The following SCHIP1 variants were observed in gnomAD, a reference collection of about 807,000 sequenced individuals.
SCHIP1 encodes schwannomin-interacting protein 1.
Under a neutral mutation model 29.7 loss-of-function variants are expected in SCHIP1, and 8 were observed. The observed-to-expected ratio is 0.27, with a 90% CI of 0.16 to 0.49. The LOEUF (loss-of-function observed/expected upper bound fraction) is 0.49, where lower values mean the gene tolerates loss of function less well. SCHIP1 is among the 20% of genes least tolerant of loss of function. SCHIP1 has a pLI of 0.99. For missense variants in SCHIP1, 193 were observed against 294.6 expected, an observed-to-expected ratio of 0.66 and a Z score of 2.52; for synonymous variants, 76 against 94.9, an observed-to-expected ratio of 0.80 and a Z score of 1.16.
chr3:159,588,328 GTA>G, the SCHIP1 span, among the ~76,000 whole-genome samples: 1 of 151,834 alleles, frequency 6.6e-6, no homozygotes, highest in African/African-American at 2.4e-5. Context: ...TTTTTTTCTT[GTA>G]AATTTATTTG....
the SCHIP1 span, among the ~76,000 whole-genome samples, chr3:159,654,161 A>G: frequency 2.0e-5 from 3 of 152,322 alleles, no homozygotes; most frequent in Admixed American, 1.3e-4. Flanking sequence ...TCCCTAGTCC[A>G]GCTTCCTCCA....
chr3:159,642,340 A>G, the SCHIP1 span, among the ~76,000 whole-genome samples: 49 of 152,122 alleles, frequency 3.2e-4, no homozygotes, highest in African/African-American at 1.2e-3. Flanking sequence ...CTATCCCTAC[A>G]TAGACAACCA....
the SCHIP1 span, among the ~76,000 whole-genome samples, chr3:159,615,669 TG>T: frequency 1.3e-5 from 2 of 152,056 alleles, no homozygotes; most frequent in South Asian, 4.1e-4. Flanking sequence ...GCAGATGGTG[TG>T]GGGGTGAAGA....
chr3:159,800,471 A>G, the SCHIP1 span, among the ~76,000 whole-genome samples: 78 of 152,324 alleles, frequency 5.1e-4, no homozygotes, highest in Middle Eastern at 0.031. Flanking sequence ...GGGGCAGAAT[A>G]TTGTTATGAG....
the SCHIP1 span, among the ~76,000 whole-genome samples, chr3:159,339,681 TACA>T: frequency 7.2e-5 from 11 of 152,176 alleles, no homozygotes; most frequent in African/African-American, 2.7e-4. Flanking sequence ...AATTAGGGTA[TACA>T]ACAATTTTTC....
the SCHIP1 span, among the ~76,000 whole-genome samples, chr3:159,332,649 A>G: frequency 6.6e-6 from 1 of 152,104 alleles, no homozygotes; most frequent in Non-Finnish European, 1.5e-5. Flanking sequence ...TGGAATTTTT[A>G]TGCTTTGGGT....
chr3:159,287,213 A>T, the SCHIP1 span, among the ~76,000 whole-genome samples: 1 of 152,010 alleles, frequency 6.6e-6, no homozygotes, highest in Non-Finnish European at 1.5e-5. Context: ...TTTTATACTT[A>T]AGTCTTTAAT....
At chr3:159,284,284 T>C in the SCHIP1 span, among the ~76,000 whole-genome samples, 12 of 152,216 alleles carry the variant, frequency 7.9e-5, no homozygotes, top group Non-Finnish European at 1.6e-4. Flanking sequence ...CTTTCCAAGA[T>C]ATATAAGTGA....
the SCHIP1 span, among the ~76,000 whole-genome samples, chr3:159,432,453 C>T: frequency 0.037 from 5,608 of 151,990 alleles, 357 homozygotes; most frequent in African/African-American, 0.13. Flanking sequence ...TTCACTTCTA[C>T]TGCATTCTGT....
the SCHIP1 span, among the ~76,000 whole-genome samples, chr3:159,277,958 G>T: frequency 6.6e-6 from 1 of 151,880 alleles, no homozygotes; most frequent in African/African-American, 2.4e-5. Context: ...AACGGTATAG[G>T]AATAAAGCAT....
the SCHIP1 span, among the ~76,000 whole-genome samples, chr3:159,618,543 A>C: frequency 2.0e-5 from 3 of 152,208 alleles, no homozygotes; most frequent in Admixed American, 2.0e-4. Flanking sequence ...ATTTGTGCAA[A>C]GTGTTCAACT....
chr3:159,715,994 C>A, the SCHIP1 span, among the ~76,000 whole-genome samples: 2 of 152,108 alleles, frequency 1.3e-5, no homozygotes, highest in African/African-American at 4.8e-5. Context: ...TAAGGGCAGC[C>A]AGAGAGAAAG....
At chr3:159,574,678 A>AT in the SCHIP1 span, among the ~76,000 whole-genome samples, 1 of 152,220 alleles carries the variant, frequency 6.6e-6, no homozygotes, top group African/African-American at 2.4e-5. Context: ...GTCTGCAGAC[A>AT]TTGACTGCTA....
At chr3:159,790,743 GA>G in the SCHIP1 span, among the ~76,000 whole-genome samples, 2 of 152,076 alleles carry the variant, frequency 1.3e-5, no homozygotes, top group South Asian at 4.2e-4. Flanking sequence ...ACCTGACTTT[GA>G]AAAAATACTT....
chr3:159,303,210 C>T, the SCHIP1 span, among the ~76,000 whole-genome samples: 1 of 152,002 alleles, frequency 6.6e-6, no homozygotes, highest in South Asian at 2.1e-4. Flanking sequence ...TAGATGGCTA[C>T]ATCTTGGCTT....
At chr3:159,374,554 A>G in the SCHIP1 span, among the ~76,000 whole-genome samples, 2 of 152,202 alleles carry the variant, frequency 1.3e-5, no homozygotes, top group African/African-American at 4.8e-5. Flanking sequence ...TCATACTGTT[A>G]CTTAATGATG....
the SCHIP1 span, among the ~76,000 whole-genome samples, chr3:159,409,914 G>A: frequency 1.4e-4 from 21 of 152,180 alleles, no homozygotes; most frequent in South Asian, 4.4e-3. Context: ...CATGGCACTG[G>A]CATAAAACAG....
chr3:159,730,078 T>A, the SCHIP1 span, among the ~76,000 whole-genome samples: 1 of 152,250 alleles, frequency 6.6e-6, no homozygotes, highest in Non-Finnish European at 1.5e-5. Context: ...TATGTCCATA[T>A]AAATTAGCAT....
chr3:159,751,252 T>G, the SCHIP1 span, among the ~76,000 whole-genome samples: 44 of 152,186 alleles, frequency 2.9e-4, no homozygotes, highest in Non-Finnish European at 8.8e-5. Flanking sequence ...CTACAAGTTT[T>G]TACATTTTTA....
Sources: allele counts gnomAD v4.1 joint callset (sites outside exome capture counted in the v4.1 genomes callset), GRCh38; gene constraint gnomAD v4.1.1; transcripts MANE v1.5; gene names NCBI Gene and HGNC (gene_info 2026-07-23, HGNC 2026-07-21).